DCHS2: variants seen among roughly 807,000 people sequenced by gnomAD.
The protein encoded by DCHS2 is protocadherin-23.
Under a neutral mutation model 182.4 loss-of-function variants are expected in DCHS2, and 142 were observed. The observed-to-expected ratio is 0.78, with a 90% CI of 0.68 to 0.89. DCHS2 has a LOEUF of 0.89. Among genes scored for constraint, DCHS2 ranks in the 40% least tolerant of loss-of-function variants. The pLI is 0.00. For missense variants in DCHS2, 4,319 were observed against 4,198.6 expected, an observed-to-expected ratio of 1.03 and a Z score of -0.79; for synonymous variants, 1,740 against 1,663.3, an observed-to-expected ratio of 1.05 and a Z score of -1.12.
chr4:154,235,906 G>A lies in DCHS2; in HGVS notation c.8746C>T (p.Leu2916Phe), dbSNP rs769774264. Residue 2916 changes from leucine (L) to phenylalanine (F), a missense_variant, in exon 20 of 20, where the codon CTT becomes TTT. Physicochemically the swap from Leu to Phe is conservative, Grantham distance 22 (BLOSUM62 0). Transcript: ENST00000357232. ...GGAGATGAGGTTCCAAGGGAGTAAA[G>A]AATGACTCCATCAATACCAGCATCT... Reference protein sequence around the residue: ...DADAGIDGVILYSLGTSSPFF... With the variant: ...DADAGIDGVIFYSLGTSSPFF... The A allele has an allele frequency of 1.1e-5, 17 of 1,613,910 alleles. No individual in the cohort carries two copies. In the African/African-American group the frequency reaches 2.1e-4, roughly 20 times the overall value.
At chr4:154,403,226 C>T (rs544674394) in intron 1 of DCHS2, among the ~76,000 whole-genome samples, 4 of 152,212 alleles carry the variant, frequency 2.6e-5, no homozygotes, top group African/African-American at 9.6e-5. Context: ...GAGAAAAGCA[C>T]ATTTTTCTTT....
intron 1 of DCHS2, among the ~76,000 whole-genome samples, chr4:154,486,859 A>G (rs1214324609): frequency 1.3e-5 from 2 of 152,196 alleles, no homozygotes; most frequent in African/African-American, 4.8e-5. Flanking sequence ...TGGAATTTCC[A>G]GAAATTCTAG....
chr4:154,233,905 C>T lies in DCHS2; in HGVS notation c.*631G>A, dbSNP rs1472333306. The stretch of plus-strand genomic sequence containing the variant: ...TCCTATTTGTTTCTCCCTATTGTCA[C>T]AGAGTTATGACAAATTTCCTTCTGA... On this transcript the variant is annotated 3_prime_UTR_variant, in exon 20 of 20. Coordinates refer to ENST00000357232, the MANE Select transcript of DCHS2 (RefSeq NM_001358235.2). The T allele has an allele frequency of 1.3e-5, 2 of 152,116 alleles. No individual in the cohort carries two copies. The allele number at this position is 152,116 out of a possible 1,614,324, so 9.4% of individuals were successfully genotyped here.
Position 154,437,991 on chromosome 4 carries a change from G to T in DCHS2, c.2052+51313C>A, listed in dbSNP as rs188414553. Among the ~76,000 whole-genome samples the T allele has an allele frequency of 7.0e-4, 106 of 152,182 alleles. 2 individuals carry two copies. In the East Asian group the frequency reaches 0.02, roughly 29 times the overall value. On this transcript the variant is annotated intron_variant, in intron 1 of 19. Coordinates refer to ENST00000357232, the MANE Select transcript of DCHS2 (RefSeq NM_001358235.2). The stretch of plus-strand genomic sequence containing the variant: ...GTTCGAGACCAGCCTGGGCAACATA[G>T]TGAGAACCTGTCTCCTAAAAAAAAG...
At chr4:154,258,944 C>T (rs990076494) in intron 15 of DCHS2, among the ~76,000 whole-genome samples, 1 of 152,116 alleles carries the variant, frequency 6.6e-6, no homozygotes, top group African/African-American at 2.4e-5. Flanking sequence ...TGCCCAGCTT[C>T]CTGACTACAA....
rs1441929370 is a variant in DCHS2 at position 154,236,605 on chromosome 4, G to GACTC, written c.8043_8046dup (p.His2683GlufsTer10). On this transcript the variant is annotated frameshift_variant, in exon 20 of 20. Transcript: ENST00000357232. LOFTEE classifies it low-confidence loss of function (END_TRUNC). ...TCATTTGCTGAGACCACAGTGATGT[G>GACTC]ACTCCCTAGAGGGGTGCTTTCCTTG... 6.2e-7 allele frequency: 1 copy of GACTC among 1,613,864 alleles called. No homozygotes were observed. The highest frequency in any genetic ancestry group is 8.5e-7 in the Non-Finnish European group (1 of 1,179,938).
intron 1 of DCHS2, chr4:154,384,523 C>T: frequency 6.4e-7 from 1 of 1,551,132 alleles, no homozygotes; most frequent in Non-Finnish European, 8.7e-7. Flanking sequence ...ATGTTCTAAT[C>T]CCCAGAACCT....
At chr4:154,368,197 G>A (rs776992755) in intron 2 of DCHS2, among the ~76,000 whole-genome samples, 17 of 152,268 alleles carry the variant, frequency 1.1e-4, no homozygotes, top group Non-Finnish European at 2.1e-4. Context: ...GTTCGACGTA[G>A]TAAGAGGGGA....
intron 3 of DCHS2, among the ~76,000 whole-genome samples, chr4:154,345,309 C>T (rs1262069972): frequency 2.0e-5 from 3 of 152,184 alleles, no homozygotes; most frequent in African/African-American, 7.2e-5. Flanking sequence ...TTCCATTATC[C>T]ACTTAACCAG....
chr4:154,298,400 G>A lies in DCHS2; in HGVS notation c.5914C>T (p.Leu1972=), dbSNP rs1391814016. 2 of 1,614,030 alleles carry A rather than the reference G, an allele frequency of 1.2e-6. No individual in the cohort carries two copies. The highest frequency in any genetic ancestry group is 1.7e-6 in the Non-Finnish European group (2 of 1,180,026). ...AATGCACCAGAAGCCTCATCAGTCA[G>A]AAAATACTCAGTTTGCCCATTCAGG... ...EGLNGQTEYF[L]TDEASGAFTI... is the part of the protein sequence containing the mutation. Residue 1972 remains leucine, a synonymous_variant, in exon 13 of 20, where the codon CTG becomes TTG. Transcript: ENST00000357232.
At chr4:154,259,908 C>T (rs1578872816) in intron 14 of DCHS2, 152 bp from the exon 15 acceptor site, 24 of 924,820 alleles carry the variant, frequency 2.6e-5, no homozygotes, top group Middle Eastern at 7.0e-4. Context: ...CTGCAACCTA[C>T]GCCTCCCGGG....
chr4:154,456,749 A>G (rs183591764), intron 1 of DCHS2, among the ~76,000 whole-genome samples: 1 of 152,288 alleles, frequency 6.6e-6, no homozygotes, highest in African/African-American at 2.4e-5. Flanking sequence ...AGTCAGAGCT[A>G]TAGGTAAAGG....
chr4:154,358,204 C>A (rs888326719), intron 3 of DCHS2, among the ~76,000 whole-genome samples: 3 of 152,106 alleles, frequency 2.0e-5, no homozygotes, highest in Admixed American at 6.6e-5. Context: ...TTAATAATTT[C>A]TATCTTCATG....
At chr4:154,263,961 T>G (rs988960031) in intron 14 of DCHS2, among the ~76,000 whole-genome samples, 1 of 152,142 alleles carries the variant, frequency 6.6e-6, no homozygotes, top group East Asian at 1.9e-4. Flanking sequence ...GCTTGACTTT[T>G]TTTTTTAACC....
chr4:154,332,362 TGA>T, intron 5 of DCHS2, 114 bp downstream of exon 5: 1 of 929,732 alleles, frequency 1.1e-6, no homozygotes, highest in Non-Finnish European at 1.6e-6. Context: ...CCTAACGACT[TGA>T]GTTTTCTCAA....
chr4:154,449,163 TGAG>T, intron 1 of DCHS2, among the ~76,000 whole-genome samples: 1 of 151,854 alleles, frequency 6.6e-6, no homozygotes, highest in East Asian at 1.9e-4. Context: ...GAGAAGAAGA[TGAG>T]GTTTTATAAT....
intron 1 of DCHS2, among the ~76,000 whole-genome samples, chr4:154,469,155 A>C (rs1222816482): frequency 1.3e-5 from 2 of 152,186 alleles, no homozygotes; most frequent in African/African-American, 4.8e-5. Flanking sequence ...AGAAAGTAAG[A>C]GAAAAGGTTG....
In DCHS2 at chr4:154,374,342, A is replaced by G. The variant is rs183331813; in HGVS notation, c.2244+2911T>C. 165 of 174,090 alleles carry G rather than the reference A, an allele frequency of 9.5e-4. 1 individual carries two copies. The highest frequency in any genetic ancestry group is 3.8e-3 in the African/African-American group (162 of 42,494). 10.8% of individuals were successfully genotyped at this position (174,090 alleles called of 1,614,324 possible). The stretch of plus-strand genomic sequence containing the variant: ...CAGCTAATTCTTTTTGGTGGTTTTC[A>G]TGAGAGTTGTGTTTTAAACCCATTA... On this transcript the variant is annotated intron_variant, in intron 2 of 19. Coordinates refer to ENST00000357232, the MANE Select transcript of DCHS2 (RefSeq NM_001358235.2).
intron 13 of DCHS2, among the ~76,000 whole-genome samples, chr4:154,288,616 AC>A (rs1734516481): frequency 6.6e-6 from 1 of 152,176 alleles, no homozygotes; most frequent in South Asian, 2.1e-4. Context: ...GATGGAGAAT[AC>A]ACATTCTTCT....
Sources: allele counts gnomAD v4.1 joint callset (sites outside exome capture counted in the v4.1 genomes callset), GRCh38; gene constraint gnomAD v4.1.1; transcripts MANE v1.5; gene names NCBI Gene and HGNC (gene_info 2026-07-23, HGNC 2026-07-21).